Variants in BARHL1 observed in about 807,000 individuals in gnomAD.
The protein encoded by BARHL1 is barH-like 1 homeobox protein.
BARHL1 carries 2 observed loss-of-function variants against 20.1 expected under a neutral mutation model. The ratio of observed to expected loss-of-function variants is 0.10; its 90% CI spans 0.04 to 0.31. The LOEUF is 0.31. Ranked by LOEUF, BARHL1 falls within the 10% of genes least tolerant of loss-of-function variation. The pLI, the probability that BARHL1 is intolerant of heterozygous loss-of-function variation, is 1.00. For missense variants in BARHL1, 397 were observed against 454.0 expected, an observed-to-expected ratio of 0.87 and a Z score of 1.14; for synonymous variants, 213 against 209.9, an observed-to-expected ratio of 1.01 and a Z score of -0.13.
intron 1 of BARHL1, among the ~76,000 whole-genome samples, chr9:132,586,728 G>A (rs1197117417): frequency 6.6e-6 from 1 of 152,236 alleles, no homozygotes; most frequent in African/African-American, 2.4e-5. Context: ...TAGGTAGCGA[G>A]TGTCGGGAGA....
At chr9:132,583,357 A>G (rs1286743819) in intron 1 of BARHL1, 94 bp downstream of exon 1, 1 of 1,152,076 alleles carries the variant, frequency 8.7e-7, no homozygotes, top group South Asian at 1.6e-5. Context: ...GCACTCGCTC[A>G]CCTGGGGGCT....
Position 132,589,678 on chromosome 9 carries a change from C to A in BARHL1, c.*156C>A. 2 of 1,042,420 alleles carry A rather than the reference C, an allele frequency of 1.9e-6. No individual in the cohort carries two copies. Among genetic ancestry groups the A allele is most frequent in the Non-Finnish European group, 2.4e-6 (2 of 822,840 alleles). The allele number at this position is 1,042,420 out of a possible 1,614,324, so 64.6% of individuals were successfully genotyped here. On this transcript the variant is annotated 3_prime_UTR_variant, in exon 3 of 3. Coordinates refer to ENST00000263610, the MANE Select transcript of BARHL1 (RefSeq NM_020064.4). ...CAGTGCCCCCCGAAGGGCCAAATGC[C>A]AAGTCCACTGAGGCCCGGACCCCGG...
In BARHL1 at chr9:132,583,252, C is replaced by CT. The variant is rs1564260003; in HGVS notation, c.456dup (p.Glu153Ter). 1 of 1,611,154 alleles carries CT rather than the reference C, an allele frequency of 6.2e-7. No homozygotes were observed. Among genetic ancestry groups the CT allele is most frequent in the Non-Finnish European group, 8.5e-7 (1 of 1,178,544 alleles). ...AGTGGCAGCAACGCCTCATCGGACT[C>CT]TGAGTATAAAGGTAAGAAAGCAGGA... On this transcript the variant is annotated frameshift_variant, in exon 1 of 3. Coordinates refer to ENST00000263610, the MANE Select transcript of BARHL1 (RefSeq NM_020064.4). LOFTEE classifies it high-confidence loss of function.
In BARHL1 at chr9:132,589,381, C is replaced by T; in HGVS notation, c.843C>T (p.Arg281=). ...CCGGCGCGGCGCTCTACCTGTACCG[C>T]GGCCCCAGCGCGCCGCCGCCTGCTC... ...LDPGAALYLY[R]GPSAPPPALQ... is the part of the protein sequence containing the mutation. Residue 281 remains arginine (R), a synonymous_variant, in exon 3 of 3, where the codon CGC becomes CGT. Coordinates refer to ENST00000263610, the MANE Select transcript of BARHL1 (RefSeq NM_020064.4). The T allele has an allele frequency of 6.2e-7, 1 of 1,612,750 alleles. No homozygotes were observed.
chr9:132,589,625 C>G lies in BARHL1; in HGVS notation c.*103C>G. 8.2e-7 allele frequency: 1 copy of G among 1,224,316 alleles called. No individual in the cohort carries two copies. The highest frequency in any genetic ancestry group is 1.0e-6 in the Non-Finnish European group (1 of 985,092). The allele number at this position is 1,224,316 out of a possible 1,614,324, so 75.8% of individuals were successfully genotyped here. On this transcript the variant is annotated 3_prime_UTR_variant, in exon 3 of 3. Transcript: ENST00000263610. ...CGACGCCCTTTCCCGGGAGGGGGCC[C>G]TGCCCGGCCCTCCCTGGCGCCCCAG...
chr9:132,586,449 G>A (rs1396108416), intron 1 of BARHL1, among the ~76,000 whole-genome samples: 1 of 152,270 alleles, frequency 6.6e-6, no homozygotes, highest in Non-Finnish European at 1.5e-5. Flanking sequence ...CCGAACGAAA[G>A]TGTCTGGGAT....
rs1289693659 is a variant in BARHL1, at chr9:132,587,024, G to T, written c.467-305G>T. On this transcript the variant is annotated intron_variant, in intron 1 of 2. Transcript: ENST00000263610. The surrounding 1 kb of genome is among the most constrained non-coding windows in gnomAD (Gnocchi z 5.5). ...GTCGCGGCTCCGTTTATCCCTCCAG[G>T]GAGCGCGGGCAGAGCGCCGAGCGCG... 1.3e-5 allele frequency among the ~76,000 whole-genome samples: 2 copies of T among 152,234 alleles called. No individual in the cohort carries two copies. Among genetic ancestry groups the T allele is most frequent in the African/African-American group, 4.8e-5 (2 of 41,476 alleles).
Position 132,587,367 on chromosome 9 carries a change from G to A in BARHL1, c.505G>A (p.Asp169Asn). The A allele has an allele frequency of 1.2e-6, 2 of 1,611,002 alleles. No individual in the cohort carries two copies. Among genetic ancestry groups the A allele is most frequent in the Non-Finnish European group, 1.7e-6 (2 of 1,179,428 alleles). ...CGACCGCGAGATCTCCAGCTCCAGG[G>A]ACAGTCCCCCGGTGCGCCTGAAAAA... ...EGDREISSSRDSPPVRLKKPR... is the reference protein window; with the variant it reads ...EGDREISSSRNSPPVRLKKPR... Residue 169 changes from aspartate (D) to asparagine (N), a missense_variant, in exon 2 of 3, where the codon GAC becomes AAC. Asp to Asn is a conservative substitution (Grantham distance 23). Transcript: ENST00000263610. This position sits in a 1 kb window ranked among gnomAD's most constrained non-coding sequence, Gnocchi z 5.5.
Position 132,582,895 on chromosome 9 carries a change from G to T in BARHL1, c.98G>T (p.Arg33Leu), listed in dbSNP as rs771277937. The change falls in exon 1 of 3, where the codon CGT (arginine) becomes CTT (leucine). Residue 33 changes from arginine (R) to leucine (L), a missense_variant. By Grantham distance (102) the Arg-to-Leu change is moderately radical. Transcript: ENST00000263610. The stretch of plus-strand genomic sequence containing the variant: ...GGGGACCCCTTGCTCGGGGACTGCC[G>T]TTCGCCCCTGGAGCTGAGTCCACGC... ...PKGDPLLGDC[R>L]SPLELSPRSE... The T allele has an allele frequency of 3.5e-5, 57 of 1,613,158 alleles. No homozygotes were observed. Among genetic ancestry groups the T allele is most frequent in the Middle Eastern group, 1.8e-4 (1 of 5,714 alleles).
Position 132,587,624 on chromosome 9 carries a change from G to A in BARHL1, c.689+73G>A. The A allele has an allele frequency of 1.4e-6, 2 of 1,422,488 alleles. No homozygotes were observed. The highest frequency in any genetic ancestry group is 2.6e-5 in the South Asian group (2 of 76,868). The allele number at this position is 1,422,488 out of a possible 1,614,324, so 88.1% of individuals were successfully genotyped here. On this transcript the variant is annotated intron_variant, in intron 2 of 2. Coordinates refer to ENST00000263610, the MANE Select transcript of BARHL1 (RefSeq NM_020064.4). The surrounding 1 kb of genome is among the most constrained non-coding windows in gnomAD (Gnocchi z 5.5). Reference sequence around the variant, plus strand: ...CCTCACAGCTCCTGGAGGGGACCAGGAGTCTACAGGTTGGTGCTAAGGGAG... The same window carrying A: ...CCTCACAGCTCCTGGAGGGGACCAGAAGTCTACAGGTTGGTGCTAAGGGAG...
At position 132,587,204 on chromosome 9, in the gene BARHL1, G is replaced by A. The variant is rs550044082; in HGVS notation, c.467-125G>A. Reference sequence around the variant, plus strand: ...GAGGTCCCGTCTGAGAGCGGCCCCCGCGAGCTTGGGTGTCGCGGAACCACC... The same window carrying A: ...GAGGTCCCGTCTGAGAGCGGCCCCCACGAGCTTGGGTGTCGCGGAACCACC... On this transcript the variant is annotated intron_variant, in intron 1 of 2. Transcript: ENST00000263610. The surrounding 1 kb of genome is among the most constrained non-coding windows in gnomAD (Gnocchi z 5.5). 3.6e-5 allele frequency: 34 copies of A among 941,222 alleles called. No homozygotes were observed. In the East Asian group the frequency reaches 5.6e-4, roughly 15 times the overall value. 58.3% of individuals were successfully genotyped at this position (941,222 alleles called of 1,614,324 possible).
chr9:132,585,971 T>TC (rs1830139741), intron 1 of BARHL1, among the ~76,000 whole-genome samples: 1 of 152,168 alleles, frequency 6.6e-6, no homozygotes, highest in Non-Finnish European at 1.5e-5. Context: ...AGAACTCAAG[T>TC]CCCCCTATTC....
At chr9:132,588,669 C>T (rs1830173216) in intron 2 of BARHL1, among the ~76,000 whole-genome samples, 1 of 152,122 alleles carries the variant, frequency 6.6e-6, no homozygotes. Flanking sequence ...GCAGCCTGCT[C>T]CAGCCGGCAG....
At position 132,589,786 on chromosome 9, in the gene BARHL1, C is replaced by T; in HGVS notation, c.*264C>T. On this transcript the variant is annotated 3_prime_UTR_variant, in exon 3 of 3. Transcript: ENST00000263610. ...CATCCCCACCCGCCGGGTGTACATA[C>T]GCGTCTCTGCCACTCCCCACCCCCA... 1 of 347,668 alleles carries T rather than the reference C, an allele frequency of 2.9e-6. No individual in the cohort carries two copies. 21.5% of individuals were successfully genotyped at this position (347,668 alleles called of 1,614,324 possible). A position where few individuals can be genotyped will look rare whatever the true frequency, so the allele number is the denominator to read the frequency against.
In BARHL1 at chr9:132,587,948, G is replaced by A. The variant is rs1404305942; in HGVS notation, c.689+397G>A. Among the ~76,000 whole-genome samples, 1 of 152,210 alleles carries A rather than the reference G, an allele frequency of 6.6e-6. No homozygotes were observed. Among genetic ancestry groups the A allele is most frequent in the Non-Finnish European group, 1.5e-5 (1 of 68,044 alleles). Reference sequence around the variant, plus strand: ...TCTTGATGCCCAGGAAGCCTGTGAAGAGGACGGCCAGGCAGTGGCCCTTGG... The same window carrying A: ...TCTTGATGCCCAGGAAGCCTGTGAAAAGGACGGCCAGGCAGTGGCCCTTGG... On this transcript the variant is annotated intron_variant, in intron 2 of 2. Coordinates refer to ENST00000263610, the MANE Select transcript of BARHL1 (RefSeq NM_020064.4). This position sits in a 1 kb window ranked among gnomAD's most constrained non-coding sequence, Gnocchi z 5.5.
chr9:132,589,477 G>T lies in BARHL1; in HGVS notation c.939G>T (p.Leu313=). 6.7e-7 allele frequency: 1 copy of T among 1,490,950 alleles called. No individual in the cohort carries two copies. The allele number at this position is 1,490,950 out of a possible 1,614,324, so 92.4% of individuals were successfully genotyped here. A position where few individuals can be genotyped will look rare whatever the true frequency, so the allele number is the denominator to read the frequency against. Residue 313 remains leucine, a synonymous_variant, in exon 3 of 3, where the codon CTG becomes CTT. Coordinates refer to ENST00000263610, the MANE Select transcript of BARHL1 (RefSeq NM_020064.4). Reference sequence around the variant, plus strand: ...GCGCCAGCGAGCCGCCCCCGCCGCTGCCCCCCCTGGCCGGCGTCCTCCCAC... The same window carrying T: ...GCGCCAGCGAGCCGCCCCCGCCGCTTCCCCCCCTGGCCGGCGTCCTCCCAC... The part of the protein sequence containing the change: ...LQGASEPPPP[L]PPLAGVLPRA...
At position 132,583,178 on chromosome 9, in the gene BARHL1, C is replaced by T. The variant is rs1040225585; in HGVS notation, c.381C>T (p.Gly127=). The change falls in exon 1 of 3, where the codon GGC becomes GGT. Residue 127 remains glycine (G), a synonymous_variant. Transcript: ENST00000263610. ...AGCCGGCAGCCCCTGAGCCTGGGGG[C>T]CGCCTTGCGGCCAAGGCCGCGGAGG... ...SGQPAAPEPG[G]RLAAKAAEDF... is the part of the protein sequence containing the mutation. The T allele has an allele frequency of 8.1e-6, 13 of 1,613,438 alleles. No homozygotes were observed. The highest frequency in any genetic ancestry group is 9.3e-6 in the Non-Finnish European group (11 of 1,179,948).
intron 1 of BARHL1, among the ~76,000 whole-genome samples, chr9:132,585,261 C>G (rs1301873242): frequency 1.3e-5 from 2 of 152,116 alleles, no homozygotes; most frequent in Non-Finnish European, 2.9e-5. Context: ...CAGGGTCAGG[C>G]AGCGAGGCCT....
rs756079934 is a variant in BARHL1 at position 132,587,235 on chromosome 9, C to T, written c.467-94C>T. ...TTGGGTGTCGCGGAACCACCGCTGT[C>T]GGAAGCCGAGGTTACACAAACGCCA... On this transcript the variant is annotated intron_variant, in intron 1 of 2. Transcript: ENST00000263610. This position sits in a 1 kb window ranked among gnomAD's most constrained non-coding sequence, Gnocchi z 5.5. The T allele has an allele frequency of 6.1e-5, 75 of 1,227,302 alleles. No individual in the cohort carries two copies. Among genetic ancestry groups the T allele is most frequent in the African/African-American group, 1.0e-4 (7 of 66,942 alleles). 76.0% of individuals were successfully genotyped at this position (1,227,302 alleles called of 1,614,324 possible).
Sources: allele counts gnomAD v4.1 joint callset (sites outside exome capture counted in the v4.1 genomes callset), GRCh38; gene constraint gnomAD v4.1.1; non-coding constraint Gnocchi (gnomAD v3.1); transcripts MANE v1.5; gene names NCBI Gene and HGNC (gene_info 2026-07-23, HGNC 2026-07-21).